The following SEC16A variants were observed in gnomAD, a reference collection of about 807,000 sequenced individuals.
The protein encoded by SEC16A is protein transport protein Sec16A.
SEC16A carries 110 observed loss-of-function variants against 221.9 expected under a neutral mutation model. The ratio of observed to expected loss-of-function variants is 0.50; its 90% CI spans 0.42 to 0.58. The LOEUF (loss-of-function observed/expected upper bound fraction) is 0.58, where lower values mean the gene tolerates loss of function less well. Ranked by LOEUF, SEC16A falls within the 20% of genes least tolerant of loss-of-function variation. The pLI is 0.00. For synonymous variants in SEC16A, 1,393 were observed against 1,257.7 expected (o/e 1.11, Z -2.28); for missense variants, 3,165 against 3,097.8 (o/e 1.02, Z -0.52).
rs371265892 is a variant in SEC16A at position 136,463,062 on chromosome 9, G to A, written c.4718C>T (p.Ser1573Leu). The A allele has an allele frequency of 6.6e-5, 106 of 1,612,466 alleles. No individual in the cohort carries two copies. The highest frequency in any genetic ancestry group is 7.5e-5 in the Non-Finnish European group (89 of 1,179,892). Residue 1573 changes from serine (S) to leucine (L), a missense_variant, in exon 12 of 32, where the codon TCG becomes TTG. Physicochemically the swap from Ser to Leu is moderately radical, Grantham distance 145. Around this residue, in one of 3 missense-constraint regions of SEC16A, gnomAD observed 1,088 missense variants for 1,089.6 expected, o/e 1.00. Coordinates refer to ENST00000684901, the MANE Select transcript of SEC16A (RefSeq NM_014866.2). The stretch of plus-strand genomic sequence containing the variant: ...ATCAATCAGGTTTGCTTCATTGGGC[G>A]ACTTCCCAGGAAGCCACACTGTTCT... ...DHRTVWLPGKSPNEANLIDFT... is the reference protein window; with the variant it reads ...DHRTVWLPGKLPNEANLIDFT...
At position 136,475,298 on chromosome 9, in the gene SEC16A, G is replaced by A; in HGVS notation, c.2318C>T (p.Pro773Leu). 6.2e-7 allele frequency: 1 copy of A among 1,613,332 alleles called. No homozygotes were observed. The highest frequency in any genetic ancestry group is 8.5e-7 in the Non-Finnish European group (1 of 1,179,690). The stretch of plus-strand genomic sequence containing the variant: ...GCTCTGCACCGGGGCCGCCGAGCTT[G>A]GGTTCCGTGACTGCTGCCCGGACAT... ...EAMSGQQSRNPSSAAPVQSRG... is the reference protein window; with the variant it reads ...EAMSGQQSRNLSSAAPVQSRG... Residue 773 changes from proline (P) to leucine (L), a missense_variant, in exon 3 of 32, where the codon CCA (proline) becomes CTA (leucine). By Grantham distance (98) the Pro-to-Leu change is moderately conservative (BLOSUM62 -3). Coordinates refer to ENST00000684901, the MANE Select transcript of SEC16A (RefSeq NM_014866.2). This position sits in a 1 kb window ranked among gnomAD's most constrained non-coding sequence, Gnocchi z 5.0.
intron 18 of SEC16A, 120 bp from the exon 19 acceptor site, chr9:136,456,286 C>G: frequency 5.9e-6 from 4 of 683,182 alleles, no homozygotes; most frequent in Non-Finnish European, 1.0e-5. Context: ...AATTAGCTGC[C>G]TATATGTTTC....
chr9:136,476,960 T>C lies in SEC16A; in HGVS notation c.656A>G (p.Gln219Arg). Reference protein sequence around the residue: ...LQMPGQWGPVQGGPQPSGQHR... With the variant: ...LQMPGQWGPVRGGPQPSGQHR... ...TTGCCCCGAGGGCTGTGGGCCTCCC[T>C]GCACTGGCCCCCACTGTCCTGGCAT... The change falls in exon 3 of 32, where the codon CAG becomes CGG. Residue 219 changes from glutamine (Q) to arginine (R), a missense_variant. By Grantham distance (43) the Gln-to-Arg change is conservative. Coordinates refer to ENST00000684901, the MANE Select transcript of SEC16A (RefSeq NM_014866.2). 2 of 1,613,012 alleles carry C rather than the reference T, an allele frequency of 1.2e-6. No individual in the cohort carries two copies. Among genetic ancestry groups the C allele is most frequent in the Non-Finnish European group, 1.7e-6 (2 of 1,179,790 alleles).
intron 3 of SEC16A, among the ~76,000 whole-genome samples, chr9:136,472,735 G>A (rs982812509): frequency 1.3e-5 from 2 of 152,228 alleles, no homozygotes; most frequent in Non-Finnish European, 2.9e-5. Context: ...GCAGTGCCCC[G>A]GACACACGCC....
intron 20 of SEC16A, among the ~76,000 whole-genome samples, chr9:136,455,021 T>C (rs1300470847): frequency 6.6e-6 from 1 of 152,038 alleles, no homozygotes; most frequent in African/African-American, 2.4e-5. Flanking sequence ...GACCCTGGCT[T>C]GTCCTCAGGT....
At chr9:136,442,931 A>C (rs1836402932) in intron 31 of SEC16A, among the ~76,000 whole-genome samples, 2 of 152,218 alleles carry the variant, frequency 1.3e-5, no homozygotes, top group African/African-American at 2.4e-5. Context: ...AAAAACATAC[A>C]AAAAAAGCAA....
In SEC16A at chr9:136,466,923, C is replaced by T. The variant is rs1282198501; in HGVS notation, c.3929+34G>A. On this transcript the variant is annotated intron_variant, in intron 6 of 31. Transcript: ENST00000684901. The surrounding 1 kb of genome is among the most constrained non-coding windows in gnomAD (Gnocchi z 5.5). ...AAGCACTAGCGCGCCCTGGCTGCCC[C>T]CAGCCTCTGCCTCCCCAGGGGTGCT... is the stretch of plus-strand genomic sequence containing the variant. The T allele has an allele frequency of 6.2e-7, 1 of 1,601,126 alleles. No individual in the cohort carries two copies. Among genetic ancestry groups the T allele is most frequent in the East Asian group, 2.3e-5 (1 of 44,404 alleles).
intron 28 of SEC16A, among the ~76,000 whole-genome samples, chr9:136,446,517 G>C (rs762009067): frequency 1.3e-5 from 2 of 151,260 alleles, no homozygotes; most frequent in South Asian, 2.1e-4. Flanking sequence ...CTGTAACTTA[G>C]AGTAATTAAT....
At position 136,475,259 on chromosome 9, in the gene SEC16A, C is replaced by T; in HGVS notation, c.2357G>A (p.Gly786Asp). ...AAPVQSRGGIGASENLENPPK... is the reference protein window; with the variant it reads ...AAPVQSRGGIDASENLENPPK... Reference sequence around the variant, plus strand: ...AGGATTCTCAAGGTTCTCAGAAGCACCAATGCCACCTCGGCTCTGCACCGG... The same window carrying T: ...AGGATTCTCAAGGTTCTCAGAAGCATCAATGCCACCTCGGCTCTGCACCGG... The change falls in exon 3 of 32, where the codon GGT becomes GAT. Residue 786 changes from glycine (G) to aspartate (D), a missense_variant. Physicochemically the swap from Gly to Asp is moderately conservative, Grantham distance 94. This residue lies in a region of SEC16A where 2,030 missense variants were observed against 1,923.1 expected (regional missense o/e 1.06). Transcript: ENST00000684901. The surrounding 1 kb of genome is among the most constrained non-coding windows in gnomAD (Gnocchi z 5.0). The T allele has an allele frequency of 1.2e-6, 2 of 1,613,608 alleles. No homozygotes were observed. Among genetic ancestry groups the T allele is most frequent in the South Asian group, 1.1e-5 (1 of 91,090 alleles).
In SEC16A at chr9:136,454,439, C is replaced by G. The variant is rs1838319233; in HGVS notation, c.5858-112G>C. 67 of 1,009,454 alleles carry G rather than the reference C, an allele frequency of 6.6e-5. 1 individual carries two copies. The South Asian group carries it at 9.2e-4, about 14-fold the overall frequency. The allele number at this position is 1,009,454 out of a possible 1,614,324, so 62.5% of individuals were successfully genotyped here. On this transcript the variant is annotated intron_variant, in intron 20 of 31. Transcript: ENST00000684901. The stretch of plus-strand genomic sequence containing the variant: ...CAAGTTATTTTGTACAGCCCCATTT[C>G]TTTTATAAGGGAGGTCCAACAGAGC...
chr9:136,462,949 C>T lies in SEC16A; in HGVS notation c.4831G>A (p.Ala1611Thr), dbSNP rs746069224. ...TCGGTCTCTCTCTCGAGCGAGCTGG[C>T]GGCAGCCGCCGGACCACCAGTGAGG... ...SFLTGGPAAA[A>T]SSLERETERF... The change falls in exon 12 of 32, where the codon GCC becomes ACC. Residue 1611 changes from alanine (A) to threonine (T), a missense_variant. Physicochemically the swap from Ala to Thr is moderately conservative, Grantham distance 58. This residue lies in a region of SEC16A where 1,088 missense variants were observed against 1,089.6 expected (regional missense o/e 1.00). Coordinates refer to ENST00000684901, the MANE Select transcript of SEC16A (RefSeq NM_014866.2). The T allele has an allele frequency of 1.7e-5, 28 of 1,606,024 alleles. No homozygotes were observed. The highest frequency in any genetic ancestry group is 1.6e-4 in the Middle Eastern group (1 of 6,084).
At chr9:136,452,477 A>AAAAAAAAAAAAAAC (rs1413100239) in intron 22 of SEC16A, among the ~76,000 whole-genome samples, 1 of 144,996 alleles carries the variant, frequency 6.9e-6, no homozygotes. Flanking sequence ...AAAAAAAAAA[A>AAAAAAAAAAAAAAC]AGAGATGGCC....
Position 136,475,849 on chromosome 9 carries a change from G to A in SEC16A, c.1767C>T (p.Ser589=), listed in dbSNP as rs1306878615. ...TVSQNYRGSV[S]QPSTPSPPKP... ...TCGGGGGGCTCGGGGTTGAGGGCTG[G>A]GACACGCTGCCACGGTAATTCTGGC... Residue 589 remains serine (S), a synonymous_variant, in exon 3 of 32, where the codon TCC becomes TCT. Coordinates refer to ENST00000684901, the MANE Select transcript of SEC16A (RefSeq NM_014866.2). This position sits in a 1 kb window ranked among gnomAD's most constrained non-coding sequence, Gnocchi z 5.0. 6.3e-7 allele frequency: 1 copy of A among 1,590,008 alleles called. No homozygotes were observed. The highest frequency in any genetic ancestry group is 1.1e-5 in the South Asian group (1 of 88,178).
In SEC16A at chr9:136,476,297, C is replaced by T; in HGVS notation, c.1319G>A (p.Trp440Ter). Residue 440 changes from tryptophan (W) to a stop codon, truncating the protein, a stop_gained, in exon 3 of 32, where the codon TGG becomes TAG. Coordinates refer to ENST00000684901, the MANE Select transcript of SEC16A (RefSeq NM_014866.2). LOFTEE classifies it high-confidence loss of function. The part of the protein sequence containing the change: ...GPSNEAAGDV[W>*]GDTASTGVPD... ...CACCCCTGTGCTCGCTGTGTCACCCCACACATCACCAGCAGCCTCATTGCT... is the reference window on the plus strand; with the variant it reads ...CACCCCTGTGCTCGCTGTGTCACCCTACACATCACCAGCAGCCTCATTGCT... 1 of 1,613,166 alleles carries T rather than the reference C, an allele frequency of 6.2e-7. No individual in the cohort carries two copies. The highest frequency in any genetic ancestry group is 8.5e-7 in the Non-Finnish European group (1 of 1,179,904).
rs764468735 is a variant in SEC16A, at chr9:136,477,412, G to A, written c.204C>T (p.Gly68=). Residue 68 remains glycine (G), a synonymous_variant, in exon 3 of 32, where the codon GGC becomes GGT. Coordinates refer to ENST00000684901, the MANE Select transcript of SEC16A (RefSeq NM_014866.2). The part of the protein sequence containing the change: ...SRQALQSTPL[G]SSSKSSPPVL... ...CAGGTGGACTGCTTTTGGACGAACT[G>A]CCCAGTGGTGTACTTTGGAGCGCCT... 3.8e-5 allele frequency: 62 copies of A among 1,614,036 alleles called. 1 individual carries two copies. In the South Asian group the frequency reaches 6.6e-4, roughly 17 times the overall value.
chr9:136,447,877 C>A lies in SEC16A; in HGVS notation c.6423G>T (p.Val2141=). The change falls in exon 25 of 32, where the codon GTG becomes GTT. Residue 2141 remains valine (V), a synonymous_variant. Transcript: ENST00000684901. The surrounding 1 kb of genome is among the most constrained non-coding windows in gnomAD (Gnocchi z 5.5). The stretch of plus-strand genomic sequence containing the variant: ...CCTCCTCTTCTGGCTCATTTAAATT[C>A]ACCCACTGGTTTTTCTTTTCATCCC... ...IVWDEKKNQW[V]NLNEPEEEKK... is the part of the protein sequence containing the mutation. 1 of 1,610,066 alleles carries A rather than the reference C, an allele frequency of 6.2e-7. No individual in the cohort carries two copies. The highest frequency in any genetic ancestry group is 1.7e-5 in the Admixed American group (1 of 59,282).
upstream of SEC16A, chr9:136,483,054 G>A (rs1258801693): frequency 1.0e-6 from 1 of 981,624 alleles, no homozygotes; most frequent in Non-Finnish European, 1.2e-6. Flanking sequence ...TCGGGTCTCC[G>A]CGGCCGCCGC....
At chr9:136,449,074 G>A (rs935692515) in intron 23 of SEC16A, among the ~76,000 whole-genome samples, 5 of 152,212 alleles carry the variant, frequency 3.3e-5, no homozygotes, top group African/African-American at 1.2e-4. Flanking sequence ...GTGCCTTCAG[G>A]AACTTTTTAC....
intron 23 of SEC16A, among the ~76,000 whole-genome samples, chr9:136,449,188 C>T (rs1811353634): frequency 6.6e-6 from 1 of 152,198 alleles, no homozygotes; most frequent in Admixed American, 6.5e-5. Context: ...TCTGTGTTTC[C>T]CATGTGTGGA....
Sources: allele counts gnomAD v4.1 joint callset (sites outside exome capture counted in the v4.1 genomes callset), GRCh38; gene constraint gnomAD v4.1.1; regional missense constraint gnomAD v4.1.1; non-coding constraint Gnocchi (gnomAD v3.1); transcripts MANE v1.5; gene names NCBI Gene and HGNC (gene_info 2026-07-23, HGNC 2026-07-21).